TCF20: variants seen among roughly 807,000 people sequenced by gnomAD.
The protein encoded by TCF20 is transcription factor 20, also known as SPRE-binding protein.
Under a neutral mutation model 148.6 loss-of-function variants are expected in TCF20, and 3 were observed. The ratio of observed to expected loss-of-function variants is 0.02; its 90% CI spans 0.01 to 0.05. The LOEUF is 0.05. Among genes scored for constraint, TCF20 ranks in the 10% least tolerant of loss-of-function variants. TCF20 has a pLI of 1.00. For missense variants in TCF20, 2,350 were observed against 2,429.3 expected (o/e 0.97, Z 0.69); for synonymous variants, 1,049 against 909.5 (o/e 1.15, Z -2.76).
chr22:42,227,009 G>A (rs1331521259), intron 1 of TCF20, among the ~76,000 whole-genome samples: 6 of 152,030 alleles, frequency 3.9e-5, no homozygotes, highest in Admixed American at 2.6e-4. Flanking sequence ...AAGACTGGGC[G>A]TGGTGGCTCA....
chr22:42,253,096 G>A (rs890968950), intron 1 of TCF20, among the ~76,000 whole-genome samples: 2 of 152,006 alleles, frequency 1.3e-5, no homozygotes, highest in African/African-American at 4.8e-5. Flanking sequence ...CAAAAACTAA[G>A]GCTTTATTCA....
intron 3 of TCF20, among the ~76,000 whole-genome samples, chr22:42,171,881 G>A (rs1936152825): frequency 6.6e-6 from 1 of 152,234 alleles, no homozygotes; most frequent in Non-Finnish European, 1.5e-5. Flanking sequence ...GACCACACGA[G>A]CAGCAAAGGG....
intron 1 of TCF20, among the ~76,000 whole-genome samples, chr22:42,248,562 A>G (rs1331667673): frequency 6.6e-6 from 1 of 152,250 alleles, no homozygotes; most frequent in South Asian, 2.1e-4. Context: ...TTTTGCTGCT[A>G]TATCTAAACA....
intron 2 of TCF20, among the ~76,000 whole-genome samples, chr22:42,183,134 C>CA (rs1420531905): frequency 6.6e-6 from 1 of 152,174 alleles, no homozygotes; most frequent in Admixed American, 6.6e-5. Flanking sequence ...TGGTCTAATT[C>CA]AACTCCCCAA....
At chr22:42,283,450 C>T (rs977217421) in intron 1 of TCF20, among the ~76,000 whole-genome samples, 15 of 152,006 alleles carry the variant, frequency 9.9e-5, no homozygotes, top group Non-Finnish European at 1.8e-4. Context: ...GCCCCTGGGA[C>T]TGTGACCCGG....
At chr22:42,170,335 TAAAA>T (rs71803379) in intron 3 of TCF20, among the ~76,000 whole-genome samples, 1 of 139,244 alleles carries the variant, frequency 7.2e-6, no homozygotes, top group Non-Finnish European at 1.6e-5. Flanking sequence ...CTGTCACTAT[TAAAA>T]AAAAAAAAAA....
chr22:42,264,440 A>C (rs188879244), intron 1 of TCF20, among the ~76,000 whole-genome samples: 43 of 152,256 alleles, frequency 2.8e-4, no homozygotes, highest in Non-Finnish European at 1.0e-4. Context: ...ACAAGGTACC[A>C]CTAATGATCT....
chr22:42,229,543 T>C (rs1275260583), intron 1 of TCF20, among the ~76,000 whole-genome samples: 2 of 152,138 alleles, frequency 1.3e-5, no homozygotes, highest in African/African-American at 4.8e-5. Flanking sequence ...GTAACGCAGG[T>C]ACAGTACAGT....
intron 2 of TCF20, among the ~76,000 whole-genome samples, chr22:42,180,687 C>T (rs949088051): frequency 6.6e-6 from 1 of 152,200 alleles, no homozygotes; most frequent in African/African-American, 2.4e-5. Context: ...ACTACACTAA[C>T]GCCAGCAACA....
chr22:42,207,812 T>C (rs1938490808), intron 2 of TCF20, among the ~76,000 whole-genome samples: 1 of 150,570 alleles, frequency 6.6e-6, no homozygotes, highest in Admixed American at 6.6e-5. Flanking sequence ...CGAAACCCCA[T>C]CTCAATAAAG....
intron 1 of TCF20, among the ~76,000 whole-genome samples, chr22:42,337,710 T>C (rs946714717): frequency 2.6e-5 from 4 of 152,242 alleles, no homozygotes; most frequent in Non-Finnish European, 1.5e-5. Flanking sequence ...TTGATTTATA[T>C]AACTAAATAT....
intron 1 of TCF20, among the ~76,000 whole-genome samples, chr22:42,256,781 T>C (rs1167986022): frequency 6.6e-6 from 1 of 152,208 alleles, no homozygotes; most frequent in African/African-American, 2.4e-5. Flanking sequence ...GTATGTTGTG[T>C]TTATAGGAGT....
At position 42,214,994 on chromosome 22, in the gene TCF20, T is replaced by G. The variant is rs1329961189; in HGVS notation, c.312A>C (p.Pro104=). Residue 104 remains proline, a synonymous_variant, in exon 2 of 6, where the codon CCA becomes CCC. Coordinates refer to ENST00000677622, the MANE Select transcript of TCF20 (RefSeq NM_001378418.1). ...CAGAAGGCCTTCGCTGAGGAGGCTGTGGGGTTCCTGTAGTCACGGGGTCTT... is the reference window on the plus strand; with the variant it reads ...CAGAAGGCCTTCGCTGAGGAGGCTGGGGGGTTCCTGTAGTCACGGGGTCTT... The part of the protein sequence containing the change: ...GNKDPVTTGT[P]QPPQRRPSGP... 6.2e-7 allele frequency: 1 copy of G among 1,614,206 alleles called. No homozygotes were observed. Among genetic ancestry groups the G allele is most frequent in the Non-Finnish European group, 8.5e-7 (1 of 1,180,046 alleles).
At chr22:42,233,268 A>G (rs769036389) in intron 1 of TCF20, among the ~76,000 whole-genome samples, 2 of 152,202 alleles carry the variant, frequency 1.3e-5, no homozygotes, top group Non-Finnish European at 2.9e-5. Context: ...TCTATTATGC[A>G]GTAACTAGCC....
At chr22:42,329,949 T>C (rs1344218082) in intron 1 of TCF20, among the ~76,000 whole-genome samples, 2 of 152,216 alleles carry the variant, frequency 1.3e-5, no homozygotes, top group Admixed American at 6.5e-5. Context: ...AGGTAGGTCC[T>C]GGCCCAGAGT....
At chr22:42,248,780 T>C (rs1026318531) in intron 1 of TCF20, among the ~76,000 whole-genome samples, 1 of 152,338 alleles carries the variant, frequency 6.6e-6, no homozygotes, top group Middle Eastern at 3.4e-3. Context: ...ACACAATAGT[T>C]ACACCATGCT....
At chr22:42,325,004 A>G (rs5758708) in intron 1 of TCF20, among the ~76,000 whole-genome samples, 92,134 of 152,190 alleles carry the variant, frequency 0.61, 29,956 homozygotes, top group African/African-American at 0.85. Context: ...GGTGCCTGAG[A>G]GTGCAGACCC....
chr22:42,243,642 G>A (rs1210387723), intron 1 of TCF20, among the ~76,000 whole-genome samples: 1 of 151,992 alleles, frequency 6.6e-6, no homozygotes, highest in Non-Finnish European at 1.5e-5. Context: ...CTGGACTTGA[G>A]TTAATAATAA....
At chr22:42,259,783 T>C (rs759112235) in intron 1 of TCF20, among the ~76,000 whole-genome samples, 1 of 152,060 alleles carries the variant, frequency 6.6e-6, no homozygotes, top group African/African-American at 2.4e-5. Context: ...CTGCTGCCTA[T>C]ATAGCAGTGA....
Sources: allele counts gnomAD v4.1 joint callset (sites outside exome capture counted in the v4.1 genomes callset), GRCh38; gene constraint gnomAD v4.1.1; transcripts MANE v1.5; gene names NCBI Gene and HGNC (gene_info 2026-07-23, HGNC 2026-07-21).